PCDHGB1: variants seen among roughly 807,000 people sequenced by gnomAD.
The protein encoded by PCDHGB1 is protocadherin gamma subfamily B, 1, also known as protocadherin gamma-B1.
In PCDHGB1, 34 loss-of-function variants were observed where a neutral mutation model predicts 56.6. That is an observed-to-expected ratio of 0.60 (90% CI 0.46 to 0.80). PCDHGB1 has a LOEUF of 0.80. PCDHGB1 is among the 30% of genes least tolerant of loss of function. The pLI is 0.00. For synonymous variants in PCDHGB1, 561 were observed against 505.9 expected, an observed-to-expected ratio of 1.11 and a Z score of -1.46; for missense variants, 1,278 against 1,204.6, an observed-to-expected ratio of 1.06 and a Z score of -0.90.
At chr5:141,389,528 G>T (rs200792478) in intron 1 of PCDHGB1, 2 of 1,613,210 alleles carry the variant, frequency 1.2e-6, no homozygotes, top group Non-Finnish European at 1.7e-6. Flanking sequence ...GCCTGCGCGT[G>T]TTAGTGGACG....
chr5:141,361,122 C>A, intron 1 of PCDHGB1: 1 of 1,613,946 alleles, frequency 6.2e-7, no homozygotes, highest in Non-Finnish European at 8.5e-7. Context: ...ATCTAGCAGC[C>A]CACTGCAGTA....
chr5:141,357,058 G>T (rs1167854077), intron 1 of PCDHGB1: 3 of 1,613,880 alleles, frequency 1.9e-6, no homozygotes, highest in South Asian at 2.2e-5. Context: ...ATTTGCAGTG[G>T]GGCTGCACAC....
At chr5:141,407,590 T>C (rs186034148) in intron 1 of PCDHGB1, among the ~76,000 whole-genome samples, 64 of 152,240 alleles carry the variant, frequency 4.2e-4, no homozygotes, top group Non-Finnish European at 7.1e-4. Context: ...CCTTAATGTC[T>C]CATCTTAAAA....
chr5:141,375,411 C>T lies in PCDHGB1; in HGVS notation c.2409+22742C>T, dbSNP rs73265852. Reference sequence around the variant, plus strand: ...GAAACAATCATCTCTCTAAATGTGGCAGACACCAACGACAACCCGCCCACC... The same window carrying T: ...GAAACAATCATCTCTCTAAATGTGGTAGACACCAACGACAACCCGCCCACC... On this transcript the variant is annotated intron_variant, in intron 1 of 3. Coordinates refer to ENST00000523390, the MANE Select transcript of PCDHGB1 (RefSeq NM_018922.3). 1.5e-3 allele frequency: 2,401 copies of T among 1,613,970 alleles called. 32 individuals are homozygous for T. In the African/African-American group the frequency reaches 0.028, roughly 19 times the overall value.
chr5:141,398,472 C>T (rs2093659150), intron 1 of PCDHGB1: 1 of 1,606,348 alleles, frequency 6.2e-7, no homozygotes, highest in Non-Finnish European at 8.5e-7. Context: ...ATCCACTGAA[C>T]TTTTATCACG....
chr5:141,458,990 C>T (rs2098958778), intron 1 of PCDHGB1, among the ~76,000 whole-genome samples: 1 of 152,212 alleles, frequency 6.6e-6, no homozygotes, highest in Non-Finnish European at 1.5e-5. Context: ...GCCTCACCCT[C>T]CCAAAGTGCT....
At chr5:141,353,588 C>T (rs1759323905) in intron 1 of PCDHGB1, among the ~76,000 whole-genome samples, 1 of 152,168 alleles carries the variant, frequency 6.6e-6, no homozygotes, top group African/African-American at 2.4e-5. Context: ...AATGATATTT[C>T]ATAATTTTCT....
chr5:141,399,727 G>A, intron 1 of PCDHGB1: 1 of 1,613,308 alleles, frequency 6.2e-7, no homozygotes, highest in Non-Finnish European at 8.5e-7. Context: ...CCGCGACCAG[G>A]GCTCGCCTGC....
chr5:141,441,835 G>A (rs1423189098), intron 1 of PCDHGB1: 9 of 353,636 alleles, frequency 2.5e-5, no homozygotes, highest in Admixed American at 2.1e-4. Flanking sequence ...CAATGGCTTC[G>A]CGCTCTTGGA....
chr5:141,390,025 G>T lies in PCDHGB1; in HGVS notation c.2409+37356G>T, dbSNP rs762363185. On this transcript the variant is annotated intron_variant, in intron 1 of 3. Coordinates refer to ENST00000523390, the MANE Select transcript of PCDHGB1 (RefSeq NM_018922.3). ...ATTCTGGCCATTGCCTTGCGCCTGC[G>T]ACGCTCCTCCAGCCCCGCCTCCTGG... The T allele has an allele frequency of 3.0e-5, 48 of 1,613,882 alleles. No individual in the cohort carries two copies. The East Asian group carries it at 1.1e-3, about 36-fold the overall frequency.
chr5:141,498,672 C>T (rs1034911993), intron 2 of PCDHGB1, among the ~76,000 whole-genome samples: 3 of 152,218 alleles, frequency 2.0e-5, no homozygotes, highest in South Asian at 4.1e-4. Context: ...TGGCTCACGC[C>T]TGTAATCCCA....
intron 1 of PCDHGB1, chr5:141,402,978 T>C (rs746626227): frequency 2.5e-6 from 4 of 1,608,452 alleles, no homozygotes; most frequent in Non-Finnish European, 3.4e-6. Context: ...AAATGCCAGC[T>C]CCGCGGAAGA....
At chr5:141,382,968 CT>C (rs774014579) in intron 1 of PCDHGB1, 26 of 1,609,208 alleles carry the variant, frequency 1.6e-5, no homozygotes, top group Admixed American at 8.4e-5. Context: ...TGGGGACCCC[CT>C]GGGAAGCCTG....
chr5:141,409,820 C>T (rs1276944982), intron 1 of PCDHGB1: 4 of 1,610,926 alleles, frequency 2.5e-6, no homozygotes, highest in Non-Finnish European at 3.4e-6. Flanking sequence ...CCACGGCTCG[C>T]CCACGCTCAG....
At position 141,423,537 on chromosome 5, in the gene PCDHGB1, T is replaced by A. The variant is rs201034039; in HGVS notation, c.2409+70868T>A. 1.4e-4 allele frequency: 225 copies of A among 1,613,694 alleles called. 2 individuals carry two copies. In the South Asian group the frequency reaches 2.3e-3, roughly 16 times the overall value. On this transcript the variant is annotated intron_variant, in intron 1 of 3. Coordinates refer to ENST00000523390, the MANE Select transcript of PCDHGB1 (RefSeq NM_018922.3). ...CGGACTCGCAGAAGAGTCACCTGAT[T>A]TTCCCCCAGCCCAACTATGGGGACA...
At position 141,366,074 on chromosome 5, in the gene PCDHGB1, G is replaced by A; in HGVS notation, c.2409+13405G>A. The A allele has an allele frequency of 1.9e-6, 3 of 1,614,218 alleles. No homozygotes were observed. In the South Asian group the frequency reaches 3.3e-5, roughly 18 times the overall value. On this transcript the variant is annotated intron_variant, in intron 1 of 3. Coordinates refer to ENST00000523390, the MANE Select transcript of PCDHGB1 (RefSeq NM_018922.3). Reference sequence around the variant, plus strand: ...GGGCGTGGAGCTGGCGCCTCGCTCCGCAGAACCTGGCTACCTGGTGACCAA... The same window carrying A: ...GGGCGTGGAGCTGGCGCCTCGCTCCACAGAACCTGGCTACCTGGTGACCAA...
chr5:141,444,364 T>C (rs1191889941), intron 1 of PCDHGB1, among the ~76,000 whole-genome samples: 2 of 151,718 alleles, frequency 1.3e-5, no homozygotes, highest in Admixed American at 1.3e-4. Context: ...AGAGACGGGG[T>C]TTCTCCATGT....
intron 1 of PCDHGB1, among the ~76,000 whole-genome samples, chr5:141,353,709 T>C (rs1759362592): frequency 6.6e-6 from 1 of 152,266 alleles, no homozygotes; most frequent in Non-Finnish European, 1.5e-5. Context: ...TTCTTGTTTC[T>C]TTAGTGTAGA....
rs2099705703 is a variant in PCDHGB1, at chr5:141,490,886, C to A, written c.2410-3921C>A. On this transcript the variant is annotated intron_variant, in intron 1 of 3. Transcript: ENST00000523390. This position sits in a 1 kb window ranked among gnomAD's most constrained non-coding sequence, Gnocchi z 5.4. The stretch of plus-strand genomic sequence containing the variant: ...TCTCCCCCATTGCATGCCAACACAT[C>A]TCTGCATGTGTTTGTCCTAGACGAG... The A allele has an allele frequency of 6.2e-7, 1 of 1,613,406 alleles. No homozygotes were observed. Among genetic ancestry groups the A allele is most frequent in the East Asian group, 2.2e-5 (1 of 44,878 alleles).
Sources: allele counts gnomAD v4.1 joint callset (sites outside exome capture counted in the v4.1 genomes callset), GRCh38; gene constraint gnomAD v4.1.1; non-coding constraint Gnocchi (gnomAD v3.1); transcripts MANE v1.5; gene names NCBI Gene and HGNC (gene_info 2026-07-23, HGNC 2026-07-21).